The following ARHGEF28 variants were observed in gnomAD, a reference collection of about 807,000 sequenced individuals.
ARHGEF28 encodes the protein 190 kDa guanine nucleotide exchange factor.
A neutral mutation model predicts 206.6 loss-of-function variants in ARHGEF28; 152 were observed. That is an observed-to-expected ratio of 0.74 (90% CI 0.64 to 0.84). The LOEUF (loss-of-function observed/expected upper bound fraction) is 0.84, where lower values mean the gene tolerates loss of function less well. ARHGEF28 is among the 40% of genes least tolerant of loss of function. The pLI, the probability that ARHGEF28 is intolerant of heterozygous loss-of-function variation, is 0.00. For missense variants in ARHGEF28, 2,028 were observed against 2,073.2 expected, an observed-to-expected ratio of 0.98 and a Z score of 0.42; for synonymous variants, 763 against 776.4, an observed-to-expected ratio of 0.98 and a Z score of 0.29.
chr5:73,731,718 C>T (rs975553300), intron 2 of ARHGEF28, among the ~76,000 whole-genome samples: 7 of 151,806 alleles, frequency 4.6e-5, no homozygotes, highest in African/African-American at 1.7e-4. Context: ...TTCAAGAGGC[C>T]CAGAGTAGAC....
intron 1 of ARHGEF28, among the ~76,000 whole-genome samples, chr5:73,626,743 TG>T (rs1743036839): frequency 1.3e-5 from 2 of 152,138 alleles, no homozygotes; most frequent in African/African-American, 4.8e-5. Flanking sequence ...TGAGGGTGCT[TG>T]GCAGGGCCAG....
intron 2 of ARHGEF28, among the ~76,000 whole-genome samples, chr5:73,747,667 T>C (rs1751799277): frequency 6.6e-6 from 1 of 152,210 alleles, no homozygotes; most frequent in East Asian, 1.9e-4. Context: ...CTGATGTTTT[T>C]CTGGTTACCA....
intron 6 of ARHGEF28, chr5:73,780,363 C>A: frequency 3.3e-6 from 1 of 302,566 alleles, no homozygotes; most frequent in South Asian, 4.3e-5. Flanking sequence ...TTCTTTCTGG[C>A]GTCAAGATTT....
intron 9 of ARHGEF28, among the ~76,000 whole-genome samples, chr5:73,801,188 T>C (rs1200252658): frequency 6.6e-6 from 1 of 152,234 alleles, no homozygotes; most frequent in Non-Finnish European, 1.5e-5. Context: ...GGCTCACGCC[T>C]GTAATCCCAG....
intron 29 of ARHGEF28, among the ~76,000 whole-genome samples, chr5:73,895,193 G>A (rs1223500571): frequency 6.6e-6 from 1 of 152,214 alleles, no homozygotes; most frequent in African/African-American, 2.4e-5. Context: ...ACTGCTGTGT[G>A]GAGAATAGAC....
Position 73,776,698 on chromosome 5 carries a change from T to G in ARHGEF28, c.840+2T>G, listed in dbSNP as rs1486942444. ...TGGGATAGAGCCTTTCTTGTCAAGG[T>G]TTGTACATAGTGATTCTAGCATGTG... On this transcript the variant is annotated splice_donor_variant, in intron 6 of 35. Coordinates refer to ENST00000513042, the MANE Select transcript of ARHGEF28 (RefSeq NM_001177693.2). LOFTEE classifies it high-confidence loss of function. 6.2e-7 allele frequency: 1 copy of G among 1,609,730 alleles called. No individual in the cohort carries two copies. The highest frequency in any genetic ancestry group is 2.2e-5 in the East Asian group (1 of 44,840).
At chr5:73,871,971 T>C (rs1432384148) in intron 21 of ARHGEF28, among the ~76,000 whole-genome samples, 1 of 152,216 alleles carries the variant, frequency 6.6e-6, no homozygotes, top group Non-Finnish European at 1.5e-5. Context: ...TCCTATTTTG[T>C]TTTCCTAATC....
At position 73,873,001 on chromosome 5, in the gene ARHGEF28, C is replaced by T. The variant is rs1760205207; in HGVS notation, c.2569C>T (p.Leu857=). The T allele has an allele frequency of 6.2e-7, 1 of 1,613,452 alleles. No homozygotes were observed. The highest frequency in any genetic ancestry group is 8.5e-7 in the Non-Finnish European group (1 of 1,179,608). ...VIKRQDVIFE[L]MQTEMHHIQT... ...TTATGTGTGCTCACACATTTCAGAG[C>T]TAATGCAAACAGAGATGCATCACAT... Residue 857 remains leucine, a splice_region_variant and synonymous_variant, in exon 22 of 36, where the codon CTA becomes TTA. Coordinates refer to ENST00000513042, the MANE Select transcript of ARHGEF28 (RefSeq NM_001177693.2).
At chr5:73,744,863 A>C (rs1751637490) in intron 2 of ARHGEF28, among the ~76,000 whole-genome samples, 1 of 152,058 alleles carries the variant, frequency 6.6e-6, no homozygotes, top group Admixed American at 6.5e-5. Context: ...GCTAGAGTTC[A>C]TAAACTTTTT....
At chr5:73,803,282 CT>C in intron 9 of ARHGEF28, 2 of 162,188 alleles carry the variant, frequency 1.2e-5, no homozygotes. Flanking sequence ...TTAATTTTTA[CT>C]TTATTTCTTC....
chr5:73,820,126 A>C (rs940738035), intron 9 of ARHGEF28, among the ~76,000 whole-genome samples: 3 of 152,050 alleles, frequency 2.0e-5, no homozygotes, highest in African/African-American at 7.2e-5. Context: ...CCCACACTAC[A>C]CCCAGATAGT....
chr5:73,894,410 G>A lies in ARHGEF28; in HGVS notation c.3676G>A (p.Asp1226Asn). ...TTTCATAGAAATACTCACTAACCAAGACCAACAAATTTGTGCGTATTTGGA... is the reference window on the plus strand; with the variant it reads ...TTTCATAGAAATACTCACTAACCAAAACCAACAAATTTGTGCGTATTTGGA... ...QQCQEILTNQ[D>N]QQICAYLEEK... Residue 1226 changes from aspartate (D) to asparagine (N), a missense_variant, in exon 29 of 36, where the codon GAC becomes AAC. Asp to Asn is a conservative substitution (Grantham distance 23). Transcript: ENST00000513042. 1.2e-6 allele frequency: 2 copies of A among 1,611,756 alleles called. No homozygotes were observed. Among genetic ancestry groups the A allele is most frequent in the Non-Finnish European group, 1.7e-6 (2 of 1,178,826 alleles).
In ARHGEF28 at chr5:73,826,680, A is replaced by T. The variant is rs554950438; in HGVS notation, c.1025-5658A>T. 7.0e-4 allele frequency among the ~76,000 whole-genome samples: 107 copies of T among 152,254 alleles called. 2 individuals are homozygous for T. The highest frequency in any genetic ancestry group is 3.3e-3 in the Admixed American group (50 of 15,308). On this transcript the variant is annotated intron_variant, in intron 9 of 35. Transcript: ENST00000513042. ...CATTAACTGTTTCCTGCTAGACTTG[A>T]AGTAGTTGTCAATGTCAGAAGGGAG...
chr5:73,828,090 T>C (rs1561435013), intron 9 of ARHGEF28: 1 of 151,160 alleles, frequency 6.6e-6, no homozygotes, highest in African/African-American at 2.4e-5. Flanking sequence ...ATGAAACTAT[T>C]ATAGCTTTTC....
intron 35 of ARHGEF28, among the ~76,000 whole-genome samples, chr5:73,936,083 A>G (rs1331362254): frequency 6.6e-6 from 1 of 152,250 alleles, no homozygotes; most frequent in Non-Finnish European, 1.5e-5. Flanking sequence ...AACAATGATC[A>G]CGATCATGAT....
chr5:73,797,959 G>A (rs1015939983), intron 9 of ARHGEF28, among the ~76,000 whole-genome samples: 3 of 152,196 alleles, frequency 2.0e-5, no homozygotes, highest in Admixed American at 1.3e-4. Flanking sequence ...ACATGTGACT[G>A]AGGAATCGGA....
intron 2 of ARHGEF28, 34 bp downstream of exon 2, chr5:73,684,918 G>A: frequency 6.2e-7 from 1 of 1,608,372 alleles, no homozygotes; most frequent in Non-Finnish European, 8.5e-7. Context: ...CAGGTCCAAG[G>A]GGCCCTTTCT....
intron 11 of ARHGEF28, among the ~76,000 whole-genome samples, chr5:73,845,086 T>C (rs962207395): frequency 1.3e-4 from 19 of 150,454 alleles, no homozygotes; most frequent in African/African-American, 4.4e-4. Context: ...GGTGTGATCT[T>C]GGCTCACTGC....
At chr5:73,731,011 TAA>T (rs10699304) in intron 2 of ARHGEF28, among the ~76,000 whole-genome samples, 3 of 142,358 alleles carry the variant, frequency 2.1e-5, no homozygotes, top group Admixed American at 7.0e-5. Flanking sequence ...GCCTTTAAGC[TAA>T]AAAAAAAAAA....
Sources: allele counts gnomAD v4.1 joint callset (sites outside exome capture counted in the v4.1 genomes callset), GRCh38; gene constraint gnomAD v4.1.1; transcripts MANE v1.5; gene names NCBI Gene and HGNC (gene_info 2026-07-23, HGNC 2026-07-21).